DCLK2: variants seen among roughly 807,000 people sequenced by gnomAD.
The protein encoded by DCLK2 is doublecortin like kinase 2.
DCLK2 carries 31 observed loss-of-function variants against 78.4 expected under a neutral mutation model. That is an observed-to-expected ratio of 0.40 (90% CI 0.30 to 0.53). DCLK2 has a LOEUF of 0.53. Among genes scored for constraint, DCLK2 ranks in the 20% least tolerant of loss-of-function variants. The pLI is 0.61. For missense variants in DCLK2, 872 were observed against 973.7 expected (o/e 0.90, Z 1.39); for synonymous variants, 407 against 374.9 (o/e 1.09, Z -0.99).
chr4:150,252,554 T>G (rs908086707), intron 15 of DCLK2, among the ~76,000 whole-genome samples: 4 of 152,218 alleles, frequency 2.6e-5, no homozygotes, highest in African/African-American at 4.8e-5. Context: ...CTGGAATGAT[T>G]AGCTGTTCTA....
chr4:150,185,783 A>G (rs1319702068), intron 2 of DCLK2, among the ~76,000 whole-genome samples: 3 of 152,172 alleles, frequency 2.0e-5, no homozygotes, highest in African/African-American at 7.2e-5. Context: ...ATCTTTTAAT[A>G]GATACCAAAT....
intron 3 of DCLK2, among the ~76,000 whole-genome samples, chr4:150,194,208 G>A (rs77516524): frequency 0.021 from 3,193 of 152,174 alleles, 124 homozygotes; most frequent in African/African-American, 0.073. Flanking sequence ...GGTCCTTACC[G>A]TTGTGTTACG....
intron 2 of DCLK2, among the ~76,000 whole-genome samples, chr4:150,136,312 A>G (rs1323167839): frequency 6.6e-6 from 1 of 152,228 alleles, no homozygotes; most frequent in East Asian, 1.9e-4. Context: ...AGTGGGCTGC[A>G]GTGGCAGAAG....
rs1454035697 is a variant in DCLK2 at position 150,175,011 on chromosome 4, A to AAAAAAAAAAATATATATATAT, written c.757-18126_757-18125insAAAAAAAAATATATATATATA. ...AGACTCCGTCGCAAAAAAAAAAAAA[A>AAAAAAAAAAATATATATATAT]ATATATATATATATATATATATTTA... is the stretch of plus-strand genomic sequence containing the variant. On this transcript the variant is annotated intron_variant, in intron 2 of 15. Transcript: ENST00000296550. Among the ~76,000 whole-genome samples the AAAAAAAAAAATATATATATAT allele has an allele frequency of 4.0e-4, 4 of 9,976 alleles. 1 individual carries two copies. The highest frequency in any genetic ancestry group is 2.2e-3 in the Admixed American group (1 of 446). The allele number at this position is 9,976 out of a possible 152,430, so 6.5% of individuals were successfully genotyped here.
intron 2 of DCLK2, among the ~76,000 whole-genome samples, chr4:150,129,057 A>G (rs541896841): frequency 5.3e-5 from 8 of 152,268 alleles, no homozygotes; most frequent in East Asian, 1.9e-4. Context: ...TATACCTGAC[A>G]TAACTATTCA....
intron 2 of DCLK2, among the ~76,000 whole-genome samples, chr4:150,148,253 A>G (rs1463234831): frequency 6.6e-6 from 1 of 152,144 alleles, no homozygotes; most frequent in African/African-American, 2.4e-5. Flanking sequence ...AGTCCCAGCT[A>G]CTTGGAGGGG....
chr4:150,236,756 G>A (rs1484795859), intron 10 of DCLK2, among the ~76,000 whole-genome samples: 1 of 152,184 alleles, frequency 6.6e-6, no homozygotes, highest in Non-Finnish European at 1.5e-5. Context: ...TTGCTTCTGT[G>A]TCCAGCATTG....
At chr4:150,245,256 G>A (rs984622847) in intron 12 of DCLK2, among the ~76,000 whole-genome samples, 1 of 152,150 alleles carries the variant, frequency 6.6e-6, no homozygotes, top group African/African-American at 2.4e-5. Context: ...GGACAGTAGT[G>A]GTAATCTCTT....
At chr4:150,079,644 G>C (rs1323067987) in intron 1 of DCLK2, among the ~76,000 whole-genome samples, 196 bp downstream of exon 1, 1 of 152,248 alleles carries the variant, frequency 6.6e-6, no homozygotes, top group Non-Finnish European at 1.5e-5. Context: ...TCCTTCCCAA[G>C]AGGTTTGTCT....
intron 10 of DCLK2, among the ~76,000 whole-genome samples, chr4:150,238,030 T>C (rs1436761665): frequency 6.6e-6 from 1 of 152,226 alleles, no homozygotes; most frequent in Non-Finnish European, 1.5e-5. Flanking sequence ...ACTTAGAACC[T>C]AACTTTCTAA....
chr4:150,152,465 A>AG (rs111701075), intron 2 of DCLK2, among the ~76,000 whole-genome samples: 22 of 152,270 alleles, frequency 1.4e-4, no homozygotes, highest in African/African-American at 5.1e-4. Flanking sequence ...TATCTTTAGT[A>AG]GAGACGGGGT....
intron 2 of DCLK2, among the ~76,000 whole-genome samples, chr4:150,180,783 T>C (rs553529585): frequency 1.3e-5 from 2 of 152,220 alleles, no homozygotes; most frequent in African/African-American, 4.8e-5. Flanking sequence ...AGGTGGGTCG[T>C]AGAAACCAGA....
chr4:150,249,892 C>T (rs1743626886), intron 15 of DCLK2, among the ~76,000 whole-genome samples: 1 of 152,090 alleles, frequency 6.6e-6, no homozygotes, highest in Non-Finnish European at 1.5e-5. Flanking sequence ...GACCAGCAGG[C>T]CTGGTGTGAG....
intron 1 of DCLK2, among the ~76,000 whole-genome samples, chr4:150,087,914 TC>T (rs1427077125): frequency 6.6e-6 from 1 of 152,218 alleles, no homozygotes; most frequent in African/African-American, 2.4e-5. Context: ...TCTATGACCT[TC>T]CTTGGAGAAG....
intron 2 of DCLK2, among the ~76,000 whole-genome samples, chr4:150,137,601 T>C (rs1206762540): frequency 6.6e-6 from 1 of 152,164 alleles, no homozygotes; most frequent in East Asian, 1.9e-4. Context: ...ATGAAGAGCC[T>C]ACTCTGTCAG....
Position 150,256,296 on chromosome 4 carries a change from C to T in DCLK2, c.*49C>T. ...GCCTGCTGCAGCCCAGGAAGCCAGC[C>T]CTCTGCTCGGCCTCGCCGGCCTCCC... On this transcript the variant is annotated 3_prime_UTR_variant, in exon 16 of 16. Coordinates refer to ENST00000296550, the MANE Select transcript of DCLK2 (RefSeq NM_001040260.4). 6.9e-7 allele frequency: 1 copy of T among 1,455,652 alleles called. No homozygotes were observed. The allele number at this position is 1,455,652 out of a possible 1,614,324, so 90.2% of individuals were successfully genotyped here.
intron 4 of DCLK2, 75 bp from the exon 5 acceptor site, chr4:150,203,720 A>G: frequency 8.2e-7 from 1 of 1,213,930 alleles, no homozygotes; most frequent in East Asian, 2.3e-5. Context: ...TTGTGCATGC[A>G]CCTAGTGTAT....
intron 2 of DCLK2, among the ~76,000 whole-genome samples, chr4:150,121,442 T>C (rs1219633866): frequency 6.6e-6 from 1 of 152,234 alleles, no homozygotes; most frequent in East Asian, 1.9e-4. Flanking sequence ...TCCTATTCTA[T>C]TGAAGTTTTA....
chr4:150,089,292 TACTC>T (rs888698409), intron 1 of DCLK2, among the ~76,000 whole-genome samples: 5 of 152,202 alleles, frequency 3.3e-5, no homozygotes, highest in African/African-American at 4.8e-5. Flanking sequence ...GCTTTCCTCT[TACTC>T]ACAGCAAGAT....
Sources: allele counts gnomAD v4.1 joint callset (sites outside exome capture counted in the v4.1 genomes callset), GRCh38; gene constraint gnomAD v4.1.1; transcripts MANE v1.5; gene names NCBI Gene and HGNC (gene_info 2026-07-23, HGNC 2026-07-21).